PARD3B: variants seen among roughly 807,000 people sequenced by gnomAD.
The protein encoded by PARD3B is par-3 family cell polarity regulator beta, also known as partitioning defective 3 homolog B.
A neutral mutation model predicts 130.2 loss-of-function variants in PARD3B; 103 were observed. That is an observed-to-expected ratio of 0.79 (90% CI 0.67 to 0.93). The LOEUF (loss-of-function observed/expected upper bound fraction) is 0.93. Among genes scored for constraint, PARD3B ranks in the 40% least tolerant of loss-of-function variants. PARD3B has a pLI of 0.00. For synonymous variants in PARD3B, 583 were observed against 553.2 expected, an observed-to-expected ratio of 1.05 and a Z score of -0.76; for missense variants, 1,609 against 1,499.2, an observed-to-expected ratio of 1.07 and a Z score of -1.21.
chr2:205,302,045 CTTTTTTTCTTTTTTCTTTTCTTTTT>C (rs2042022693), intron 18 of PARD3B: 1 of 232,362 alleles, frequency 4.3e-6, no homozygotes, highest in African/African-American at 3.1e-5. Context: ...AGACCCTATT[CTTTTTTTCTTTTTTCTTTTCTTTTT>C]TTTTTTTTTT....
At chr2:204,815,927 G>A (rs797016939) in intron 2 of PARD3B, among the ~76,000 whole-genome samples, 8 of 151,962 alleles carry the variant, frequency 5.3e-5, no homozygotes, top group African/African-American at 1.4e-4. Flanking sequence ...TTCTGCTATC[G>A]TTGGACACAT....
intron 1 of PARD3B, among the ~76,000 whole-genome samples, chr2:204,681,512 G>A (rs2036833349): frequency 6.6e-6 from 1 of 152,128 alleles, no homozygotes; most frequent in South Asian, 2.1e-4. Flanking sequence ...TCTATTTTAG[G>A]AAGGTGAAGG....
Position 205,099,032 on chromosome 2 carries a change from GGT to G in PARD3B, c.505-5393_505-5392del, listed in dbSNP as rs565656882. The stretch of plus-strand genomic sequence containing the variant: ...GTCTGTTCCCTGCTCTGATGAAAGT[GGT>G]AAAGGGCAAACATCTTAAAGGTGTC... On this transcript the variant is annotated intron_variant, in intron 4 of 22. Coordinates refer to ENST00000406610, the MANE Select transcript of PARD3B (RefSeq NM_001302769.2). Among the ~76,000 whole-genome samples the G allele has an allele frequency of 8.5e-5, 13 of 152,214 alleles. 1 individual carries two copies. In the East Asian group the frequency reaches 2.5e-3, roughly 29 times the overall value.
intron 2 of PARD3B, among the ~76,000 whole-genome samples, chr2:204,718,966 G>A (rs2038868045): frequency 1.3e-5 from 2 of 152,144 alleles, no homozygotes; most frequent in Non-Finnish European, 2.9e-5. Flanking sequence ...GTACAGTTCT[G>A]CCTCGTTTCA....
At chr2:204,634,382 A>G (rs908168137) in intron 1 of PARD3B, among the ~76,000 whole-genome samples, 1 of 152,104 alleles carries the variant, frequency 6.6e-6, no homozygotes, top group Non-Finnish European at 1.5e-5. Context: ...TTCTTTATCC[A>G]TTCATCTGTT....
chr2:205,425,301 G>C (rs1190385647), intron 19 of PARD3B, among the ~76,000 whole-genome samples: 1 of 152,134 alleles, frequency 6.6e-6, no homozygotes, highest in Non-Finnish European at 1.5e-5. Context: ...TACATTATGA[G>C]AATAGAAATT....
chr2:205,001,812 A>G (rs962136587), intron 3 of PARD3B, among the ~76,000 whole-genome samples: 1 of 152,172 alleles, frequency 6.6e-6, no homozygotes, highest in African/African-American at 2.4e-5. Flanking sequence ...TTCCAGGCTG[A>G]TGTGCGCCTT....
chr2:204,925,032 G>C (rs760136073), intron 2 of PARD3B, among the ~76,000 whole-genome samples: 10 of 150,142 alleles, frequency 6.7e-5, no homozygotes, highest in Non-Finnish European at 1.5e-4. Flanking sequence ...ATATATATCA[G>C]GTATATAAAT....
At chr2:205,201,389 A>G (rs1027403289) in intron 15 of PARD3B, among the ~76,000 whole-genome samples, 2 of 152,226 alleles carry the variant, frequency 1.3e-5, no homozygotes, top group Admixed American at 1.3e-4. Context: ...GAAAGGAAAA[A>G]TATATAAATT....
In PARD3B at chr2:205,575,406, T is replaced by C. The variant is rs1255141970; in HGVS notation, c.3260+22003T>C. ...ATCACCCAAAGCCCATAGTTTACAT[T>C]AGCGCTCTCTCGGTGTTGTTCATTC... On this transcript the variant is annotated intron_variant, in intron 22 of 22. Transcript: ENST00000406610. This position sits in a 1 kb window ranked among gnomAD's most constrained non-coding sequence, Gnocchi z 4.6. Among the ~76,000 whole-genome samples the C allele has an allele frequency of 2.6e-5, 4 of 152,126 alleles. No homozygotes were observed. Among genetic ancestry groups the C allele is most frequent in the Admixed American group, 2.6e-4 (4 of 15,276 alleles).
At chr2:205,439,810 T>G (rs1469998758) in intron 19 of PARD3B, among the ~76,000 whole-genome samples, 2 of 152,184 alleles carry the variant, frequency 1.3e-5, no homozygotes, top group Non-Finnish European at 2.9e-5. Context: ...ACCAAAAAAC[T>G]TAGAGTCTCT....
At chr2:205,601,983 C>T (rs1247724197) in intron 22 of PARD3B, among the ~76,000 whole-genome samples, 1 of 152,122 alleles carries the variant, frequency 6.6e-6, no homozygotes, top group Admixed American at 6.6e-5. Flanking sequence ...TCCAGCTTTT[C>T]CCCATTCAGT....
In PARD3B at chr2:204,673,515, G is replaced by C. The variant is rs922853017; in HGVS notation, c.121-12666G>C. Reference sequence around the variant, plus strand: ...TATAAGGGTTGCTTTTCTGAGCTTTGACTTATTTTACAAATGACTGCAATG... The same window carrying C: ...TATAAGGGTTGCTTTTCTGAGCTTTCACTTATTTTACAAATGACTGCAATG... On this transcript the variant is annotated intron_variant, in intron 1 of 22. Transcript: ENST00000406610. This position sits in a 1 kb window ranked among gnomAD's most constrained non-coding sequence, Gnocchi z 4.7. Among the ~76,000 whole-genome samples, 6 of 152,122 alleles carry C rather than the reference G, an allele frequency of 3.9e-5. No individual in the cohort carries two copies. The highest frequency in any genetic ancestry group is 3.9e-4 in the Admixed American group (6 of 15,270).
intron 2 of PARD3B, among the ~76,000 whole-genome samples, chr2:204,861,153 C>T (rs1426079759): frequency 2.8e-5 from 4 of 141,840 alleles, no homozygotes; most frequent in Admixed American, 7.3e-5. Context: ...CTATTGCTAC[C>T]TAATACCTTT....
At chr2:205,322,875 CATT>C (rs936087191) in intron 18 of PARD3B, among the ~76,000 whole-genome samples, 42 of 98,332 alleles carry the variant, frequency 4.3e-4, no homozygotes, top group Non-Finnish European at 7.4e-4. Context: ...GTTGTTATAT[CATT>C]ATTAACACCT....
At chr2:205,373,090 C>T (rs1000372521) in intron 18 of PARD3B, among the ~76,000 whole-genome samples, 2 of 152,190 alleles carry the variant, frequency 1.3e-5, no homozygotes, top group South Asian at 2.1e-4. Flanking sequence ...TGAATGAAAT[C>T]CTTTGTCAGA....
chr2:204,794,725 G>A (rs1482896624), intron 2 of PARD3B, among the ~76,000 whole-genome samples: 1 of 152,134 alleles, frequency 6.6e-6, no homozygotes, highest in Non-Finnish European at 1.5e-5. Context: ...AATGAATATG[G>A]TTTAATGACT....
chr2:204,860,023 C>A (rs1325554849), intron 2 of PARD3B, among the ~76,000 whole-genome samples: 1 of 152,150 alleles, frequency 6.6e-6, no homozygotes, highest in Non-Finnish European at 1.5e-5. Flanking sequence ...TTTCTGCCAG[C>A]AGTTGCTTTT....
In PARD3B at chr2:204,827,852, T is replaced by C. The variant is rs965010329; in HGVS notation, c.223-137300T>C. 2.0e-5 allele frequency among the ~76,000 whole-genome samples: 3 copies of C among 152,236 alleles called. No homozygotes were observed. In the South Asian group the frequency reaches 6.2e-4, roughly 31 times the overall value. ...AGTAAATGGCTGCTGAATGAATAGA[T>C]GCATAAATATCTGACTGGATGACTG... On this transcript the variant is annotated intron_variant, in intron 2 of 22. Coordinates refer to ENST00000406610, the MANE Select transcript of PARD3B (RefSeq NM_001302769.2).
Sources: allele counts gnomAD v4.1 joint callset (sites outside exome capture counted in the v4.1 genomes callset), GRCh38; gene constraint gnomAD v4.1.1; non-coding constraint Gnocchi (gnomAD v3.1); transcripts MANE v1.5; gene names NCBI Gene and HGNC (gene_info 2026-07-23, HGNC 2026-07-21).